Variants in FANCM observed in about 807,000 individuals in gnomAD.
FANCM encodes FA complementation group M.
In FANCM, 140 loss-of-function variants were observed where a neutral mutation model predicts 199.5. The observed-to-expected ratio is 0.70, with a 90% CI of 0.61 to 0.81. The LOEUF (loss-of-function observed/expected upper bound fraction) is 0.81, where lower values mean the gene tolerates loss of function less well. FANCM is among the 30% of genes least tolerant of loss of function. The probability of loss-of-function intolerance (pLI) is 0.00; values close to 1 mark genes in which losing one functional copy is unlikely to be tolerated. For synonymous variants in FANCM, 840 were observed against 836.8 expected (o/e 1.00, Z -0.07); for missense variants, 2,410 against 2,421.4 (o/e 1.00, Z 0.10).
chr14:45,175,966 A>G lies in FANCM; in HGVS notation c.3212A>G (p.Asn1071Ser), dbSNP rs1297760447. Residue 1071 changes from asparagine (N) to serine (S), a missense_variant, in exon 14 of 23, where the codon AAT becomes AGT. Transcript: ENST00000267430. ...SEKSCLYDIP[N>S]DNISDEPSLC... ...AAAAGTTGCCTTTATGATATACCTA[A>G]TGATAATATTTCTGATGAGCCAAGT... 4 of 1,613,384 alleles carry G rather than the reference A, an allele frequency of 2.5e-6. No homozygotes were observed. The highest frequency in any genetic ancestry group is 3.4e-6 in the Non-Finnish European group (4 of 1,179,582).
chr14:45,145,974 G>A (rs1342125636), intron 3 of FANCM, among the ~76,000 whole-genome samples: 1 of 147,810 alleles, frequency 6.8e-6, no homozygotes, highest in Non-Finnish European at 1.5e-5. Flanking sequence ...CAGGAGAATG[G>A]CGTGAACCCG....
chr14:45,187,782 T>C lies in FANCM; in HGVS notation c.4674T>C (p.Asp1558=), dbSNP rs1264214406. The change falls in exon 19 of 23, where the codon GAT becomes GAC. Residue 1558 remains aspartate, a splice_region_variant and synonymous_variant. Transcript: ENST00000267430. The part of the protein sequence containing the change: ...DETQLSQAIN[D]SEMRAIYMKS... ...ATCTAAATTCTTATCTTTACACAGA[T>C]TCTGAAATGAGAGCTATTTACATGA... is the stretch of plus-strand genomic sequence containing the variant. 2.1e-6 allele frequency: 3 copies of C among 1,461,524 alleles called. No homozygotes were observed. In the Admixed American group the frequency reaches 5.0e-5, roughly 24 times the overall value. The allele number at this position is 1,461,524 out of a possible 1,614,324, so 90.5% of individuals were successfully genotyped here. A position where few individuals can be genotyped will look rare whatever the true frequency, so the allele number is the denominator to read the frequency against.
Position 45,183,863 on chromosome 14 carries a change from A to G in FANCM, c.4476A>G (p.Arg1492=), listed in dbSNP as rs1566775767. The G allele has an allele frequency of 6.2e-7, 1 of 1,611,908 alleles. No homozygotes were observed. Among genetic ancestry groups the G allele is most frequent in the East Asian group, 2.2e-5 (1 of 44,704 alleles). The change falls in exon 17 of 23, where the codon AGA becomes AGG. Residue 1492 remains arginine, a synonymous_variant. Transcript: ENST00000267430. ...EDFKVCNGNA[R]RGIKVPKRQS... ...TCAAGGTTTGTAACGGGAATGCCAG[A>G]AGAGGCATCAAAGTCCCAAAGAGAC...
At position 45,198,868 on chromosome 14, in the gene FANCM, A is replaced by C; in HGVS notation, c.5941A>C (p.Asn1981His). The change falls in exon 22 of 23, where the codon AAT (asparagine) becomes CAT (histidine). Residue 1981 changes from asparagine to histidine, a missense_variant. Coordinates refer to ENST00000267430, the MANE Select transcript of FANCM (RefSeq NM_020937.4). ...EALQFYLSIPNISYITALNMC... is the reference protein window; with the variant it reads ...EALQFYLSIPHISYITALNMC... ...ACTCCAGTTTTATTTAAGTATTCCC[A>C]ATATAAGTTATATAACTGCATTAAA... is the stretch of plus-strand genomic sequence containing the variant. 2 of 1,611,670 alleles carry C rather than the reference A, an allele frequency of 1.2e-6. No individual in the cohort carries two copies. Among genetic ancestry groups the C allele is most frequent in the Non-Finnish European group, 1.7e-6 (2 of 1,177,846 alleles).
chr14:45,143,760 C>T (rs1312201758), intron 3 of FANCM, among the ~76,000 whole-genome samples: 1 of 142,622 alleles, frequency 7.0e-6, no homozygotes, highest in Admixed American at 7.3e-5. Flanking sequence ...GTGGCGCGAT[C>T]TCGGCTCACT....
At chr14:45,192,471 G>A (rs1004581164) in intron 20 of FANCM, among the ~76,000 whole-genome samples, 3 of 152,108 alleles carry the variant, frequency 2.0e-5, no homozygotes, top group South Asian at 2.1e-4. Flanking sequence ...GTGAAACTCC[G>A]TCACTACTAA....
intron 11 of FANCM, among the ~76,000 whole-genome samples, chr14:45,168,075 C>T (rs1344073380): frequency 6.6e-6 from 1 of 152,028 alleles, no homozygotes; most frequent in Non-Finnish European, 1.5e-5. Context: ...ACCTTTATAA[C>T]AGTTCTCTAT....
At chr14:45,184,901 G>A (rs1889297596) in intron 17 of FANCM, among the ~76,000 whole-genome samples, 1 of 149,874 alleles carries the variant, frequency 6.7e-6, no homozygotes, top group Non-Finnish European at 1.5e-5. Context: ...AGCTTCCCGA[G>A]TAGCTGGGAT....
chr14:45,194,350 T>G (rs1306752750), intron 20 of FANCM, among the ~76,000 whole-genome samples: 2 of 152,090 alleles, frequency 1.3e-5, no homozygotes, highest in Non-Finnish European at 2.9e-5. Flanking sequence ...GTTTTATTTT[T>G]GTGTCCTTCA....
chr14:45,197,470 G>GTT (rs11362125), intron 21 of FANCM, among the ~76,000 whole-genome samples: 24 of 141,620 alleles, frequency 1.7e-4, no homozygotes, highest in African/African-American at 2.1e-4. Context: ...TTTTTTTTTT[G>GTT]TTTTTTTTTT....
At position 45,136,344 on chromosome 14, in the gene FANCM, T is replaced by C; in HGVS notation, c.313T>C (p.Cys105Arg). 1.9e-6 allele frequency: 3 copies of C among 1,614,202 alleles called. No homozygotes were observed. Among genetic ancestry groups the C allele is most frequent in the Non-Finnish European group, 2.5e-6 (3 of 1,180,030 alleles). ...QLHISRAALFCNTLVCLPTGL... is the reference protein window; with the variant it reads ...QLHISRAALFRNTLVCLPTGL... ...GCACATTTCCCGGGCTGCTCTGTTT[T>C]GCAATACGCTGGTGTGTCTGCCTAC... Residue 105 changes from cysteine to arginine, a missense_variant, in exon 1 of 23, where the codon TGC becomes CGC. Transcript: ENST00000267430.
chr14:45,187,292 T>C (rs548741115), intron 18 of FANCM, among the ~76,000 whole-genome samples: 48 of 151,680 alleles, frequency 3.2e-4, no homozygotes, highest in Non-Finnish European at 3.5e-4. Flanking sequence ...CATTATATTA[T>C]AACTTTTAAA....
At chr14:45,150,228 A>AAAATT (rs1181446515) in intron 4 of FANCM, among the ~76,000 whole-genome samples, 2 of 152,258 alleles carry the variant, frequency 1.3e-5, no homozygotes, top group Non-Finnish European at 2.9e-5. Flanking sequence ...TGTTTGTAAC[A>AAAATT]AAATTCTAAG....
rs1594815358 is a variant in FANCM at position 45,189,204 on chromosome 14, G to T, written c.5182G>T (p.Ala1728Ser). The change falls in exon 20 of 23, where the codon GCA (alanine) becomes TCA (serine). Residue 1728 changes from alanine (A) to serine (S), a missense_variant. By Grantham distance (99) the Ala-to-Ser change is moderately conservative. Coordinates refer to ENST00000267430, the MANE Select transcript of FANCM (RefSeq NM_020937.4). ...TTCTACTCCAAGAGTTAATCCATTA[G>T]CAAAGCAGAGCAAACAGACATCGCT... is the stretch of plus-strand genomic sequence containing the variant. The part of the protein sequence containing the change: ...VRSTPRVNPL[A>S]KQSKQTSLNL... 1.2e-6 allele frequency: 2 copies of T among 1,614,148 alleles called. No homozygotes were observed. The highest frequency in any genetic ancestry group is 1.3e-5 in the African/African-American group (1 of 75,034).
At chr14:45,166,880 A>G in intron 10 of FANCM, 70 bp from the exon 11 acceptor site, 1 of 903,310 alleles carries the variant, frequency 1.1e-6, no homozygotes. Context: ...CAAACTAATA[A>G]TTGCTTGTTA....
chr14:45,180,959 A>G, intron 14 of FANCM: 1 of 173,560 alleles, frequency 5.8e-6, no homozygotes, highest in Non-Finnish European at 1.2e-5. Context: ...TATTTCATGT[A>G]CACAAATACA....
At chr14:45,183,748 G>A in intron 16 of FANCM, 26 bp from the exon 17 acceptor site, 1 of 1,572,020 alleles carries the variant, frequency 6.4e-7, no homozygotes. Context: ...TTTTTCTTAT[G>A]CAAGAATTTT....
At chr14:45,197,767 C>CT (rs112878615) in intron 21 of FANCM, among the ~76,000 whole-genome samples, 149 of 118,470 alleles carry the variant, frequency 1.3e-3, no homozygotes, top group Middle Eastern at 5.8e-3. Flanking sequence ...GCCCAGCCTT[C>CT]TTTTTTTTTT....
chr14:45,184,637 G>C (rs1352487864), intron 17 of FANCM, among the ~76,000 whole-genome samples: 2 of 147,246 alleles, frequency 1.4e-5, no homozygotes, highest in Admixed American at 1.4e-4. Flanking sequence ...CTCCCGCCTG[G>C]GCAACAAAGT....
Sources: allele counts gnomAD v4.1 joint callset (sites outside exome capture counted in the v4.1 genomes callset), GRCh38; gene constraint gnomAD v4.1.1; transcripts MANE v1.5; gene names NCBI Gene and HGNC (gene_info 2026-07-23, HGNC 2026-07-21).